Variants in PROM1 observed in about 807,000 individuals in gnomAD.
PROM1 encodes the protein prominin 1.
A neutral mutation model predicts 116.9 loss-of-function variants in PROM1; 105 were observed. The ratio of observed to expected loss-of-function variants is 0.90; its 90% CI spans 0.77 to 1.06. PROM1 has a LOEUF of 1.06. Among genes scored for constraint, PROM1 ranks in the 50% least tolerant of loss-of-function variants. The pLI is 0.00. For missense variants in PROM1, 1,122 were observed against 1,045.2 expected (o/e 1.07, Z -1.01); for synonymous variants, 393 against 387.0 (o/e 1.02, Z -0.18).
At chr4:16,016,001 A>G (rs959408012) in intron 10 of PROM1, among the ~76,000 whole-genome samples, 165 bp downstream of exon 10, 1 of 152,188 alleles carries the variant, frequency 6.6e-6, no homozygotes, top group South Asian at 2.1e-4. Flanking sequence ...AATTCTGGGA[A>G]CTGGAAGGAT....
intron 4 of PROM1, among the ~76,000 whole-genome samples, chr4:16,034,328 A>G (rs1415825034): frequency 2.0e-5 from 3 of 152,236 alleles, no homozygotes; most frequent in Admixed American, 6.5e-5. Context: ...TACACTGGAA[A>G]TAATAATACG....
At chr4:16,020,478 G>A (rs985061706) in intron 8 of PROM1, among the ~76,000 whole-genome samples, 2 of 152,030 alleles carry the variant, frequency 1.3e-5, no homozygotes, top group African/African-American at 4.8e-5. Flanking sequence ...AAACAGAAAA[G>A]AACTCAGCTG....
intron 2 of PROM1, among the ~76,000 whole-genome samples, chr4:16,060,555 ATTCCTT>A (rs1431702451): frequency 2.0e-5 from 3 of 151,902 alleles, no homozygotes; most frequent in Non-Finnish European, 4.4e-5. Context: ...CTCTCAAATA[ATTCCTT>A]TTGAAAAAAA....
At chr4:16,004,848 C>CT (rs1560460298) in intron 13 of PROM1, among the ~76,000 whole-genome samples, 9 of 134,446 alleles carry the variant, frequency 6.7e-5, no homozygotes, top group African/African-American at 2.5e-4. Flanking sequence ...TTCCTTCCTT[C>CT]CTTCCTTCCT....
At chr4:16,060,661 A>T (rs1407000070) in intron 2 of PROM1, among the ~76,000 whole-genome samples, 1 of 152,202 alleles carries the variant, frequency 6.6e-6, no homozygotes, top group Non-Finnish European at 1.5e-5. Context: ...CTCAATAAAC[A>T]TCTACCAAAC....
intron 9 of PROM1, among the ~76,000 whole-genome samples, chr4:16,016,749 C>T (rs1188613748): frequency 6.6e-6 from 1 of 152,106 alleles, no homozygotes; most frequent in Non-Finnish European, 1.5e-5. Context: ...AGTTCCCTGG[C>T]AAATATGAGT....
chr4:15,984,316 C>T lies in PROM1; in HGVS notation c.2320G>A (p.Ala774Thr), dbSNP rs398124216. 15 of 1,608,230 alleles carry T rather than the reference C, an allele frequency of 9.3e-6. No homozygotes were observed. Among genetic ancestry groups the T allele is most frequent in the South Asian group, 5.6e-5 (5 of 89,564 alleles). ...KVASCKPVAT[A>T]LDTAVDVFLC... Reference sequence around the variant, plus strand: ...AAGACATCAACAGCAGTATCTAGAGCGGTGGCCACAGGTTTGCACGATGCC... The same window carrying T: ...AAGACATCAACAGCAGTATCTAGAGTGGTGGCCACAGGTTTGCACGATGCC... Residue 774 changes from alanine to threonine, a missense_variant, in exon 23 of 28, where the codon GCT becomes ACT. Coordinates refer to ENST00000447510, the MANE Select transcript of PROM1 (RefSeq NM_006017.3).
intron 2 of PROM1, among the ~76,000 whole-genome samples, chr4:16,069,293 T>C (rs970883714): frequency 2.0e-4 from 30 of 152,152 alleles, no homozygotes; most frequent in African/African-American, 7.2e-4. Flanking sequence ...TTTAGAGAAT[T>C]TATAGGAAAC....
chr4:15,999,575 G>C (rs1182296236), intron 14 of PROM1, among the ~76,000 whole-genome samples: 1 of 152,116 alleles, frequency 6.6e-6, no homozygotes, highest in Non-Finnish European at 1.5e-5. Flanking sequence ...AAATGGTTTT[G>C]AAATATCCCG....
In PROM1 at chr4:15,984,306, G is replaced by A; in HGVS notation, c.2330C>T (p.Thr777Ile). 1 of 1,609,642 alleles carries A rather than the reference G, an allele frequency of 6.2e-7. No homozygotes were observed. The highest frequency in any genetic ancestry group is 8.5e-7 in the Non-Finnish European group (1 of 1,177,642). ...GCTACACAGAAAGACATCAACAGCA[G>A]TATCTAGAGCGGTGGCCACAGGTTT... ...SCKPVATALD[T>I]AVDVFLCSYI... The change falls in exon 23 of 28, where the codon ACT becomes ATT. Residue 777 changes from threonine (T) to isoleucine (I), a missense_variant. Transcript: ENST00000447510.
chr4:15,986,987 T>C (rs1023264084), intron 20 of PROM1, among the ~76,000 whole-genome samples: 6 of 152,244 alleles, frequency 3.9e-5, no homozygotes, highest in African/African-American at 1.4e-4. Context: ...GCTGAGGGAA[T>C]GCTTGCAGCC....
At chr4:16,083,646 T>G (rs1331370609) in intron 1 of PROM1, 2 of 153,502 alleles carry the variant, frequency 1.3e-5, no homozygotes, top group African/African-American at 4.8e-5. Context: ...CGCTCCGGGA[T>G]GAGGACCCAG....
intron 10 of PROM1, among the ~76,000 whole-genome samples, chr4:16,014,645 A>G (rs376632060): frequency 4.6e-5 from 7 of 152,326 alleles, no homozygotes; most frequent in Admixed American, 1.3e-4. Flanking sequence ...TAACTCCCAC[A>G]AGCTTAGCGT....
intron 10 of PROM1, among the ~76,000 whole-genome samples, chr4:16,014,028 C>T (rs115647772): frequency 1.9e-4 from 29 of 152,242 alleles, no homozygotes; most frequent in African/African-American, 3.6e-4. Flanking sequence ...ACAACCGTGC[C>T]GAGCGATAGG....
At position 15,998,600 on chromosome 4, in the gene PROM1, A is replaced by G; in HGVS notation, c.1579-112T>C. 2.5e-6 allele frequency: 3 copies of G among 1,178,224 alleles called. No homozygotes were observed. In the East Asian group the frequency reaches 9.6e-5, roughly 38 times the overall value. The allele number at this position is 1,178,224 out of a possible 1,614,324, so 73.0% of individuals were successfully genotyped here. A position where few individuals can be genotyped will look rare whatever the true frequency, so the allele number is the denominator to read the frequency against. ...TATTTTGGAAATTTTTCATAACATTATTTTTCTGGTTGATTTCCAACTTAT... is the reference window on the plus strand; with the variant it reads ...TATTTTGGAAATTTTTCATAACATTGTTTTTCTGGTTGATTTCCAACTTAT... On this transcript the variant is annotated intron_variant, in intron 14 of 27. Transcript: ENST00000447510.
intron 2 of PROM1, among the ~76,000 whole-genome samples, chr4:16,056,770 A>G (rs1739133316): frequency 6.6e-6 from 1 of 152,180 alleles, no homozygotes; most frequent in Non-Finnish European, 1.5e-5. Flanking sequence ...GGCATGTTCC[A>G]GGGAGTCGGC....
intron 8 of PROM1, 87 bp from the exon 9 acceptor site, chr4:16,018,627 G>GT: frequency 8.2e-7 from 1 of 1,215,182 alleles, no homozygotes; most frequent in South Asian, 1.4e-5. Flanking sequence ...GGGATGGACT[G>GT]GTAAATGACT....
chr4:16,016,025 TG>T, intron 10 of PROM1, 140 bp downstream of exon 10: 1 of 702,614 alleles, frequency 1.4e-6, no homozygotes, highest in Non-Finnish European at 2.4e-6. Flanking sequence ...CACAATTGCC[TG>T]GAAGGTAATA....
At chr4:16,062,427 A>G (rs928989855) in intron 2 of PROM1, among the ~76,000 whole-genome samples, 9 of 152,344 alleles carry the variant, frequency 5.9e-5, no homozygotes, top group African/African-American at 2.2e-4. Context: ...TTAATGAATA[A>G]TAAATAAATA....
Sources: gnomAD v4.1 joint callset for allele counts (sites outside exome capture counted in the v4.1 genomes callset) on GRCh38, gnomAD v4.1.1 for gene constraint, MANE v1.5 for transcripts, NCBI Gene and HGNC (gene_info 2026-07-23, HGNC 2026-07-21) for gene names.